Variants in TMPRSS15 observed in about 807,000 individuals in gnomAD.
The protein encoded by TMPRSS15 is enteropeptidase.
TMPRSS15 carries 128 observed loss-of-function variants against 125.3 expected under a neutral mutation model. The observed-to-expected ratio is 1.02, with a 90% CI of 0.89 to 1.18. The LOEUF (loss-of-function observed/expected upper bound fraction) is 1.18, where lower values mean the gene tolerates loss of function less well. Ranked by LOEUF, TMPRSS15 falls within the 50% of genes most tolerant of loss-of-function variation. TMPRSS15 has a pLI of 0.00. For synonymous variants in TMPRSS15, 446 were observed against 423.2 expected (o/e 1.05, Z -0.66); for missense variants, 1,283 against 1,212.7 (o/e 1.06, Z -0.86).
chr21:18,319,485 A>G (rs1457415938), intron 16 of TMPRSS15, among the ~76,000 whole-genome samples: 3 of 147,448 alleles, frequency 2.0e-5, no homozygotes. Context: ...CTGGAGTACA[A>G]TGGCGCCATC....
chr21:18,467,189 C>T (rs940877129), intron 1 of TMPRSS15, among the ~76,000 whole-genome samples: 1 of 152,060 alleles, frequency 6.6e-6, no homozygotes, highest in Non-Finnish European at 1.5e-5. Context: ...TGTTCTCACT[C>T]ATAAGTGGGA....
chr21:18,352,763 T>G, intron 10 of TMPRSS15, 140 bp downstream of exon 10: 1 of 828,366 alleles, frequency 1.2e-6, no homozygotes, highest in Non-Finnish European at 2.0e-6. Flanking sequence ...ATTTTTCATT[T>G]AATTAATTGA....
intron 7 of TMPRSS15, among the ~76,000 whole-genome samples, chr21:18,361,687 CA>C (rs1298909092): frequency 1.3e-5 from 2 of 152,236 alleles, no homozygotes; most frequent in East Asian, 3.9e-4. Flanking sequence ...TCAGGTTGAT[CA>C]AACACCATAC....
intron 1 of TMPRSS15, among the ~76,000 whole-genome samples, chr21:18,426,640 AG>A (rs1274843547): frequency 6.6e-6 from 1 of 152,208 alleles, no homozygotes; most frequent in African/African-American, 2.4e-5. Context: ...CAGTTAATAG[AG>A]GACTTTAGTA....
chr21:18,291,284 A>G (rs1334651628), intron 21 of TMPRSS15, among the ~76,000 whole-genome samples: 2 of 152,218 alleles, frequency 1.3e-5, no homozygotes, highest in South Asian at 2.1e-4. Context: ...TTCAAAGTCA[A>G]ACTTGCCCTT....
At chr21:18,465,984 A>C (rs1215241768) in intron 1 of TMPRSS15, among the ~76,000 whole-genome samples, 1 of 152,240 alleles carries the variant, frequency 6.6e-6, no homozygotes, top group Non-Finnish European at 1.5e-5. Context: ...ACAAAGCTGG[A>C]GGCATCACAC....
intron 1 of TMPRSS15, among the ~76,000 whole-genome samples, chr21:18,432,091 T>G (rs963558593): frequency 6.6e-6 from 1 of 152,180 alleles, no homozygotes. Flanking sequence ...TGTAGCTTCC[T>G]GAATACATTT....
At chr21:18,317,837 TCCATCCCATCCCATC>T (rs60306073) in intron 16 of TMPRSS15, among the ~76,000 whole-genome samples, 1,791 of 30,188 alleles carry the variant, frequency 0.059, 138 homozygotes, top group African/African-American at 0.21. Flanking sequence ...CCCATCCTAT[TCCATCCCATCCCATC>T]CCATCCCATC....
In TMPRSS15 at chr21:18,437,633, AAAAC is replaced by A. The variant is rs1019203637; in HGVS notation, c.11-39308_11-39305del. 2.1e-3 allele frequency among the ~76,000 whole-genome samples: 315 copies of A among 152,332 alleles called. 2 individuals carry two copies. The highest frequency in any genetic ancestry group is 0.017 in the East Asian group (86 of 5,180). ...TGAACTCAAACAAATTTACAAGAAA[AAAAC>A]AAACAACCCCATCAAAAAGTGGGCA... is the stretch of plus-strand genomic sequence containing the variant. On this transcript the variant is annotated intron_variant, in intron 1 of 7. Transcript: ENST00000422787.
intron 5 of TMPRSS15, among the ~76,000 whole-genome samples, chr21:18,374,672 C>A (rs1343276369): frequency 1.3e-5 from 2 of 152,010 alleles, no homozygotes; most frequent in African/African-American, 4.8e-5. Context: ...GAAGATTTTA[C>A]ATATATCTGC....
intron 1 of TMPRSS15, among the ~76,000 whole-genome samples, chr21:18,467,055 T>G (rs1463024456): frequency 6.6e-6 from 1 of 152,136 alleles, no homozygotes; most frequent in Non-Finnish European, 1.5e-5. Flanking sequence ...GTGGCACATA[T>G]ACACCATGGA....
intron 18 of TMPRSS15, among the ~76,000 whole-genome samples, chr21:18,298,130 C>T (rs1191082787): frequency 1.3e-5 from 2 of 152,104 alleles, no homozygotes; most frequent in African/African-American, 4.8e-5. Flanking sequence ...CACTTAGTTA[C>T]CTGTTTTATA....
intron 1 of TMPRSS15, among the ~76,000 whole-genome samples, chr21:18,453,522 A>G (rs1978381567): frequency 6.6e-6 from 1 of 152,222 alleles, no homozygotes; most frequent in African/African-American, 2.4e-5. Flanking sequence ...TGGAGAGTCA[A>G]TGATGCAGTT....
chr21:18,383,593 T>C (rs2075913212), intron 4 of TMPRSS15, 34 bp downstream of exon 4: 1 of 1,609,936 alleles, frequency 6.2e-7, no homozygotes. Context: ...CATAGCTTAA[T>C]GATTCAAAGA....
At chr21:18,437,790 C>T (rs2076231218) in intron 1 of TMPRSS15, among the ~76,000 whole-genome samples, 2 of 152,126 alleles carry the variant, frequency 1.3e-5, no homozygotes, top group African/African-American at 2.4e-5. Flanking sequence ...CATCTCACAC[C>T]AGTTAGAATG....
At chr21:18,365,072 G>T in intron 7 of TMPRSS15, 68 bp downstream of exon 7, 2 of 1,265,418 alleles carry the variant, frequency 1.6e-6, no homozygotes, top group Non-Finnish European at 2.3e-6. Flanking sequence ...ACTACTGAAA[G>T]CAATAAGACG....
chr21:18,387,648 C>T (rs1022621765), intron 3 of TMPRSS15, among the ~76,000 whole-genome samples: 1 of 149,296 alleles, frequency 6.7e-6, no homozygotes, highest in African/African-American at 2.5e-5. Context: ...CACACACACA[C>T]ACGCACACAC....
intron 1 of TMPRSS15, among the ~76,000 whole-genome samples, chr21:18,417,291 T>A (rs1172447928): frequency 1.3e-5 from 2 of 152,054 alleles, no homozygotes; most frequent in Non-Finnish European, 2.9e-5. Context: ...AAGCAACAAT[T>A]AACCATTCCA....
At chr21:18,278,444 G>A (rs1025615714) in intron 23 of TMPRSS15, among the ~76,000 whole-genome samples, 3 of 152,044 alleles carry the variant, frequency 2.0e-5, no homozygotes, top group African/African-American at 4.8e-5. Context: ...TATAGGCTGG[G>A]CGCGGTGGCT....
Sources: gnomAD v4.1 joint callset for allele counts (sites outside exome capture counted in the v4.1 genomes callset) on GRCh38, gnomAD v4.1.1 for gene constraint, MANE v1.5 for transcripts, NCBI Gene and HGNC (gene_info 2026-07-23, HGNC 2026-07-21) for gene names.